The following CDC42BPA variants were observed in gnomAD, a reference collection of about 807,000 sequenced individuals.
The protein encoded by CDC42BPA is CDC42 binding protein kinase alpha.
CDC42BPA carries 80 observed loss-of-function variants against 223.5 expected under a neutral mutation model. That is an observed-to-expected ratio of 0.36 (90% CI 0.30 to 0.43). The LOEUF (loss-of-function observed/expected upper bound fraction) is 0.43, where lower values mean the gene tolerates loss of function less well. Among genes scored for constraint, CDC42BPA ranks in the 20% least tolerant of loss-of-function variants. The pLI is 1.00. For synonymous variants in CDC42BPA, 694 were observed against 718.6 expected (o/e 0.97, Z 0.55); for missense variants, 1,743 against 2,099.9 (o/e 0.83, Z 3.32).
At chr1:227,293,905 G>C (rs1034104027) in intron 1 of CDC42BPA, among the ~76,000 whole-genome samples, 1 of 152,136 alleles carries the variant, frequency 6.6e-6, no homozygotes, top group African/African-American at 2.4e-5. Flanking sequence ...GTAATAAAAT[G>C]ACATTTAATC....
Position 227,221,890 on chromosome 1 carries a change from T to G in CDC42BPA, c.271-8671A>C, listed in dbSNP as rs1463263764. On this transcript the variant is annotated intron_variant, in intron 2 of 36. Coordinates refer to ENST00000366766, the MANE Select transcript of CDC42BPA (RefSeq NM_001394014.1). Reference sequence around the variant, plus strand: ...AAACCTAAAAATATTACTCTAGTTTTCCCTCAGCCTTTTGGTATAAAAACT... The same window carrying G: ...AAACCTAAAAATATTACTCTAGTTTGCCCTCAGCCTTTTGGTATAAAAACT... Among the ~76,000 whole-genome samples the G allele has an allele frequency of 2.6e-5, 4 of 151,724 alleles. No individual in the cohort carries two copies. In the East Asian group the frequency reaches 7.7e-4, roughly 29 times the overall value.
chr1:227,099,261 C>A (rs539782424), intron 15 of CDC42BPA, among the ~76,000 whole-genome samples: 1 of 151,696 alleles, frequency 6.6e-6, no homozygotes, highest in Admixed American at 6.6e-5. Context: ...TAAAAGTTAA[C>A]TGTAAAACAA....
chr1:227,163,630 G>A (rs964634025), intron 5 of CDC42BPA, among the ~76,000 whole-genome samples: 1 of 151,570 alleles, frequency 6.6e-6, no homozygotes, highest in African/African-American at 2.4e-5. Flanking sequence ...AATCTTCAGG[G>A]ATTCTATTTA....
At chr1:227,059,826 T>C (rs1165031342) in intron 21 of CDC42BPA, among the ~76,000 whole-genome samples, 6 of 152,144 alleles carry the variant, frequency 3.9e-5, no homozygotes, top group African/African-American at 1.4e-4. Flanking sequence ...TTTTTACTCT[T>C]TTCAAAAATG....
At chr1:227,132,203 A>G (rs3122332) in intron 10 of CDC42BPA, among the ~76,000 whole-genome samples, 1 of 151,364 alleles carries the variant, frequency 6.6e-6, no homozygotes, top group Non-Finnish European at 1.5e-5. Flanking sequence ...AAAGCTGGAG[A>G]GTACTGCTAC....
chr1:227,318,066 A>AGCCGCGCCGC lies in CDC42BPA; in HGVS notation c.-894_-885dup, dbSNP rs1232143703. 7.0e-6 allele frequency: 2 copies of AGCCGCGCCGC among 283,926 alleles called. No individual in the cohort carries two copies. Among genetic ancestry groups the AGCCGCGCCGC allele is most frequent in the African/African-American group, 2.3e-5 (1 of 44,004 alleles). 17.6% of individuals were successfully genotyped at this position (283,926 alleles called of 1,614,324 possible). A position where few individuals can be genotyped will look rare whatever the true frequency, so the allele number is the denominator to read the frequency against. On this transcript the variant is annotated 5_prime_UTR_variant, in exon 1 of 37. Coordinates refer to ENST00000366766, the MANE Select transcript of CDC42BPA (RefSeq NM_001394014.1). ...CATGTCGGTGGTCGCTCGTGGGCCG[A>AGCCGCGCCGC]GCCGCGCCGCGCCGCGCCGGGCAGA...
At chr1:227,191,308 G>A (rs1669663452) in intron 5 of CDC42BPA, among the ~76,000 whole-genome samples, 1 of 143,758 alleles carries the variant, frequency 7.0e-6, no homozygotes, top group Non-Finnish European at 1.5e-5. Flanking sequence ...TCGCACCACG[G>A]CACTCCAGCT....
chr1:227,034,548 G>A lies in CDC42BPA; in HGVS notation c.3476+107C>T, dbSNP rs561664089. 1.9e-4 allele frequency: 196 copies of A among 1,019,392 alleles called. 1 individual carries two copies. In the South Asian group the frequency reaches 2.7e-3, roughly 14 times the overall value. 63.1% of individuals were successfully genotyped at this position (1,019,392 alleles called of 1,614,324 possible). On this transcript the variant is annotated intron_variant, in intron 26 of 36. Coordinates refer to ENST00000366766, the MANE Select transcript of CDC42BPA (RefSeq NM_001394014.1). ...GCAATATTAGCAAATTAGAAAATACGAAATTAGTTCATTTAAATAAACCAT... is the reference window on the plus strand; with the variant it reads ...GCAATATTAGCAAATTAGAAAATACAAAATTAGTTCATTTAAATAAACCAT...
At chr1:227,039,582 C>T (rs1206389289) in intron 24 of CDC42BPA, among the ~76,000 whole-genome samples, 2 of 152,274 alleles carry the variant, frequency 1.3e-5, no homozygotes, top group East Asian at 3.9e-4. Context: ...CTCTCTCCTT[C>T]ATCACTCAGA....
At chr1:227,037,383 T>C (rs1193037513) in intron 24 of CDC42BPA, among the ~76,000 whole-genome samples, 1 of 152,226 alleles carries the variant, frequency 6.6e-6, no homozygotes, top group Non-Finnish European at 1.5e-5. Flanking sequence ...GTTTATAACT[T>C]AATACACTCC....
chr1:227,217,595 T>C (rs567125932), intron 2 of CDC42BPA, among the ~76,000 whole-genome samples: 24 of 152,188 alleles, frequency 1.6e-4, no homozygotes, highest in African/African-American at 4.6e-4. Context: ...ATCATGACAC[T>C]CCTCTGCTCC....
At chr1:227,311,008 A>G (rs1041400166) in intron 1 of CDC42BPA, among the ~76,000 whole-genome samples, 7 of 152,064 alleles carry the variant, frequency 4.6e-5, no homozygotes, top group African/African-American at 1.7e-4. Context: ...TTTTATATAC[A>G]ACAAAAAACT....
chr1:227,018,198 G>A (rs1666688618), intron 32 of CDC42BPA, among the ~76,000 whole-genome samples: 2 of 151,940 alleles, frequency 1.3e-5, no homozygotes, highest in Non-Finnish European at 2.9e-5. Flanking sequence ...AGGCACATGC[G>A]CCACCATGCC....
At chr1:227,185,073 A>G (rs1222442051) in intron 5 of CDC42BPA, among the ~76,000 whole-genome samples, 2 of 152,176 alleles carry the variant, frequency 1.3e-5, no homozygotes, top group East Asian at 3.8e-4. Flanking sequence ...TCTCAATAAA[A>G]TAACAAGCTG....
intron 34 of CDC42BPA, among the ~76,000 whole-genome samples, chr1:227,012,292 A>T (rs1665372425): frequency 6.6e-6 from 1 of 152,220 alleles, no homozygotes; most frequent in African/African-American, 2.4e-5. Context: ...GTTCTTTATC[A>T]CAAATAGCAA....
intron 19 of CDC42BPA, 110 bp downstream of exon 19, chr1:227,073,754 G>T: frequency 2.6e-6 from 2 of 782,616 alleles, no homozygotes; most frequent in Middle Eastern, 3.7e-4. Context: ...AACATATTTG[G>T]CCATCATTTT....
At chr1:227,154,900 A>G (rs905714202) in intron 6 of CDC42BPA, among the ~76,000 whole-genome samples, 1 of 152,178 alleles carries the variant, frequency 6.6e-6, no homozygotes, top group Admixed American at 6.5e-5. Context: ...TAATTCTAAC[A>G]ATCACATAGA....
At position 226,993,256 on chromosome 1, in the gene CDC42BPA, T is replaced by C. The variant is rs1301541486; in HGVS notation, c.*1012A>G. 2 of 152,210 alleles carry C rather than the reference T, an allele frequency of 1.3e-5. No homozygotes were observed. Among genetic ancestry groups the C allele is most frequent in the African/African-American group, 4.8e-5 (2 of 41,450 alleles). 9.4% of individuals were successfully genotyped at this position (152,210 alleles called of 1,614,324 possible). A position where few individuals can be genotyped will look rare whatever the true frequency, so the allele number is the denominator to read the frequency against. Reference sequence around the variant, plus strand: ...ACAACACTCCTTGTAACCTTTCAGATGGAAGGGATCAGAGGTGACAGAATC... The same window carrying C: ...ACAACACTCCTTGTAACCTTTCAGACGGAAGGGATCAGAGGTGACAGAATC... On this transcript the variant is annotated 3_prime_UTR_variant, in exon 37 of 37. Coordinates refer to ENST00000366766, the MANE Select transcript of CDC42BPA (RefSeq NM_001394014.1).
intron 1 of CDC42BPA, among the ~76,000 whole-genome samples, chr1:227,276,080 G>T (rs141328040): frequency 0.16 from 23,769 of 151,738 alleles, 2,118 homozygotes; most frequent in East Asian, 0.36. Context: ...GGGATGTGAG[G>T]AGCCCCTCTG....
Sources: allele counts gnomAD v4.1 joint callset (sites outside exome capture counted in the v4.1 genomes callset), GRCh38; gene constraint gnomAD v4.1.1; transcripts MANE v1.5; gene names NCBI Gene and HGNC (gene_info 2026-07-23, HGNC 2026-07-21).